Variants in BLTP1 observed in about 807,000 individuals in gnomAD.
BLTP1 encodes the protein bridge-like lipid transfer protein family member 1.
chr4:122,241,505 A>G, the BLTP1 span, among the ~76,000 whole-genome samples: 1 of 152,342 alleles, frequency 6.6e-6, no homozygotes, highest in South Asian at 2.1e-4. Flanking sequence ...TGGGGTGATC[A>G]CTTAGGAGAC....
chr4:122,224,576 T>G, the BLTP1 span: 1 of 1,614,016 alleles, frequency 6.2e-7, no homozygotes, highest in Non-Finnish European at 8.5e-7. Flanking sequence ...ACACGCTATG[T>G]TCTCAGCAGA....
chr4:122,359,801 TATG>T, the BLTP1 span: 2 of 1,504,142 alleles, frequency 1.3e-6, no homozygotes, highest in African/African-American at 1.4e-5. Context: ...GTAAGTTACA[TATG>T]ATTATCAAAA....
chr4:122,349,314 T>G, the BLTP1 span: 2 of 1,610,640 alleles, frequency 1.2e-6, no homozygotes, highest in Admixed American at 1.7e-5. The surrounding 1 kb of genome is among the most constrained non-coding windows in gnomAD (Gnocchi z 4.5). Flanking sequence ...TGGAGATGGT[T>G]GGTATGTTGA....
the BLTP1 span, among the ~76,000 whole-genome samples, chr4:122,352,355 C>CTTTTT: frequency 1.2e-4 from 13 of 111,704 alleles, no homozygotes; most frequent in East Asian, 2.6e-4. Flanking sequence ...TTTGGTTTTT[C>CTTTTT]TTTTTTTTTT....
the BLTP1 span, chr4:122,349,398 G>A: frequency 4.0e-5 from 62 of 1,558,332 alleles, no homozygotes; most frequent in Admixed American, 5.7e-4. This position sits in a 1 kb window ranked among gnomAD's most constrained non-coding sequence, Gnocchi z 4.5. Flanking sequence ...GGATTCTCAT[G>A]AGTTTTTCCC....
the BLTP1 span, chr4:122,212,095 G>A: frequency 1.0e-6 from 1 of 983,422 alleles, no homozygotes; most frequent in African/African-American, 1.7e-5. Flanking sequence ...GGATGTTTAG[G>A]GTTGGACAGG....
At chr4:122,327,893 T>C in the BLTP1 span, 1 of 276,662 alleles carries the variant, frequency 3.6e-6, no homozygotes, top group Non-Finnish European at 6.7e-6. Flanking sequence ...CATTCTGATT[T>C]TTAGTATGTC....
At chr4:122,244,011 G>A in the BLTP1 span, 2 of 1,593,188 alleles carry the variant, frequency 1.3e-6, no homozygotes, top group Non-Finnish European at 1.7e-6. Flanking sequence ...TCCCCTGGTG[G>A]CTGAAGCTTT....
At chr4:122,229,924 A>G in the BLTP1 span, 2 of 1,607,310 alleles carry the variant, frequency 1.2e-6, no homozygotes, top group Non-Finnish European at 8.5e-7. Context: ...TCTTCATTCA[A>G]TTTTAGATGG....
the BLTP1 span, chr4:122,337,217 A>G: frequency 1.8e-6 from 1 of 555,802 alleles, no homozygotes; most frequent in Non-Finnish European, 3.1e-6. Context: ...ACAGATGCTC[A>G]AGTTATGATG....
At chr4:122,311,916 A>T in the BLTP1 span, among the ~76,000 whole-genome samples, 32 of 152,198 alleles carry the variant, frequency 2.1e-4, no homozygotes, top group Non-Finnish European at 4.0e-4. Flanking sequence ...GGAAGAGACT[A>T]GTTGATTTCT....
At chr4:122,288,644 T>A in the BLTP1 span, 64 of 238,168 alleles carry the variant, frequency 2.7e-4, no homozygotes, top group Non-Finnish European at 3.6e-4. Flanking sequence ...AGAGCAAGAC[T>A]CCGTCTCTAA....
chr4:122,309,783 T>C, the BLTP1 span, among the ~76,000 whole-genome samples: 4 of 152,096 alleles, frequency 2.6e-5, no homozygotes, highest in South Asian at 8.3e-4. Context: ...AAAAAAATGA[T>C]AAATGTGCAA....
At chr4:122,326,979 T>C in the BLTP1 span, among the ~76,000 whole-genome samples, 1 of 151,770 alleles carries the variant, frequency 6.6e-6, no homozygotes, top group Non-Finnish European at 1.5e-5. Context: ...CAGCATCCAG[T>C]AGTTTTAATA....
chr4:122,267,959 A>G, the BLTP1 span, among the ~76,000 whole-genome samples: 1 of 152,104 alleles, frequency 6.6e-6, no homozygotes, highest in Non-Finnish European at 1.5e-5. Flanking sequence ...TGTCTGATAT[A>G]TAGCTAAGTA....
At chr4:122,311,474 A>G in the BLTP1 span, among the ~76,000 whole-genome samples, 5,467 of 152,240 alleles carry the variant, frequency 0.036, 344 homozygotes, top group African/African-American at 0.12. Context: ...TATAGTTTTT[A>G]TTAGTAATAA....
the BLTP1 span, among the ~76,000 whole-genome samples, chr4:122,272,758 T>A: frequency 1.3e-5 from 2 of 152,096 alleles, no homozygotes; most frequent in Non-Finnish European, 2.9e-5. Flanking sequence ...TTAACTACCA[T>A]AGAAATCTTA....
the BLTP1 span, chr4:122,359,398 TGGTA>T: frequency 6.6e-6 from 6 of 914,674 alleles, no homozygotes; most frequent in Non-Finnish European, 7.8e-6. Context: ...TATCAATAAT[TGGTA>T]CTTATGGCTT....
chr4:122,230,131 T>A, the BLTP1 span: 1 of 1,614,144 alleles, frequency 6.2e-7, no homozygotes, highest in South Asian at 1.1e-5. Context: ...TTACTGTTGA[T>A]ATTGCTTTAG....
Sources: gnomAD v4.1 joint callset for allele counts (sites outside exome capture counted in the v4.1 genomes callset) on GRCh38, gnomAD v4.1.1 for gene constraint, Gnocchi (gnomAD v3.1) non-coding constraint, MANE v1.5 for transcripts, NCBI Gene and HGNC (gene_info 2026-07-23, HGNC 2026-07-21) for gene names.